Variants in AMZ1 observed in about 807,000 individuals in gnomAD.
AMZ1 encodes the protein archaemetzincin-1.
In AMZ1, 39 loss-of-function variants were observed where a neutral mutation model predicts 29.9. That is an observed-to-expected ratio of 1.30 (90% CI 1.01 to 1.70). The LOEUF is 1.70. Among genes scored for constraint, AMZ1 ranks in the 40% most tolerant of loss-of-function variants. AMZ1 has a pLI of 0.00. For missense variants in AMZ1, 1,041 were observed against 680.6 expected, an observed-to-expected ratio of 1.53 and a Z score of -5.89; for synonymous variants, 458 against 304.0, an observed-to-expected ratio of 1.51 and a Z score of -5.27.
At chr7:2,755,003 A>T (rs1465335089) in intron 4 of AMZ1, among the ~76,000 whole-genome samples, 1 of 152,218 alleles carries the variant, frequency 6.6e-6, no homozygotes, top group Non-Finnish European at 1.5e-5. Context: ...TCTTCCCTAC[A>T]GAGACAGTCC....
intron 4 of AMZ1, among the ~76,000 whole-genome samples, chr7:2,725,414 G>A (rs1034724667): frequency 1.3e-5 from 2 of 152,240 alleles, no homozygotes; most frequent in Non-Finnish European, 1.5e-5. Context: ...GCTTCCACCC[G>A]AGGAGATGCC....
intron 3 of AMZ1, among the ~76,000 whole-genome samples, chr7:2,705,768 G>T (rs1026984486): frequency 6.6e-6 from 1 of 152,208 alleles, no homozygotes; most frequent in Non-Finnish European, 1.5e-5. Context: ...CACTCCACAG[G>T]CTTCCCCAGC....
At chr7:2,686,982 G>A (rs1787103152), upstream of AMZ1, among the ~76,000 whole-genome samples, 2 of 151,552 alleles carry the variant, frequency 1.3e-5, no homozygotes, top group Admixed American at 6.6e-5. Context: ...CAAAGTGCTG[G>A]GATTACAGGC....
rs1424918885 is a variant in AMZ1, at chr7:2,731,414, C to T, written n.550+21598C>T. The T allele has an allele frequency of 3.7e-6, 6 of 1,613,112 alleles. No individual in the cohort carries two copies. Among genetic ancestry groups the T allele is most frequent in the East Asian group, 2.2e-5 (1 of 44,856 alleles). ...TGCTTCTTGATGCTCACGGTCTTCA[C>T]CTTCTCCACCAGGAGGTCCATCTTG... On this transcript the variant is annotated intron_variant and non_coding_transcript_variant, in intron 4 of 4. Coordinates refer to the AMZ1 transcript ENST00000489665. This position sits in a 1 kb window ranked among gnomAD's most constrained non-coding sequence, Gnocchi z 6.0.
At chr7:2,680,509 C>G (rs976575741) in intron 1 of AMZ1, among the ~76,000 whole-genome samples, 2 of 152,170 alleles carry the variant, frequency 1.3e-5, no homozygotes, top group African/African-American at 4.8e-5. Flanking sequence ...GGCACCCCAG[C>G]TTTCCTTGCT....
chr7:2,726,446 G>A (rs1034354313), intron 4 of AMZ1, among the ~76,000 whole-genome samples: 1 of 152,210 alleles, frequency 6.6e-6, no homozygotes, highest in Non-Finnish European at 1.5e-5. Context: ...TGGTGTCTCA[G>A]GCCTGGCGGC....
chr7:2,761,358 A>G (rs532743040), upstream of AMZ1, among the ~76,000 whole-genome samples: 16 of 152,366 alleles, frequency 1.1e-4, no homozygotes, highest in South Asian at 2.9e-3. Flanking sequence ...GGGCACGCAG[A>G]TGGCAGCTGT....
chr7:2,682,072 G>GCTCTCT (rs1786901644), intron 1 of AMZ1, among the ~76,000 whole-genome samples: 1 of 152,184 alleles, frequency 6.6e-6, no homozygotes, highest in African/African-American at 2.4e-5. Context: ...CTCTCTGGAG[G>GCTCTCT]GAACAAGGGC....
chr7:2,698,384 A>G (rs966738410), intron 1 of AMZ1, among the ~76,000 whole-genome samples: 51 of 151,712 alleles, frequency 3.4e-4, no homozygotes, highest in Admixed American at 9.8e-4. Flanking sequence ...CTAAGAACAC[A>G]AAAATTAGCC....
chr7:2,712,982 G>A lies in AMZ1; in HGVS notation c.*104G>A. On this transcript the variant is annotated 3_prime_UTR_variant, in exon 7 of 7. Coordinates refer to ENST00000683327, the MANE Select transcript of AMZ1 (RefSeq NM_001384743.1). The stretch of plus-strand genomic sequence containing the variant: ...TGCCAGGGATAAAGAGGAAGGGTCT[G>A]CCTGGGTGGTGGCTCAGGCCTGTCA... 2 of 1,293,178 alleles carry A rather than the reference G, an allele frequency of 1.5e-6. No individual in the cohort carries two copies. The highest frequency in any genetic ancestry group is 2.4e-4 in the Middle Eastern group (1 of 4,162). 80.1% of individuals were successfully genotyped at this position (1,293,178 alleles called of 1,614,324 possible).
At chr7:2,711,977 G>T (rs7807872) in intron 6 of AMZ1, among the ~76,000 whole-genome samples, 29 of 152,254 alleles carry the variant, frequency 1.9e-4, no homozygotes, top group African/African-American at 6.7e-4. Context: ...AACCTGGGAG[G>T]GGGAGGTTGC....
chr7:2,761,789 A>G (rs1436334906), upstream of AMZ1, among the ~76,000 whole-genome samples: 1 of 152,192 alleles, frequency 6.6e-6, no homozygotes, highest in Admixed American at 6.5e-5. Context: ...GTTCATTAAA[A>G]CGTGAAGAGA....
chr7:2,693,334 G>A (rs903643996), intron 1 of AMZ1, among the ~76,000 whole-genome samples: 6 of 151,944 alleles, frequency 3.9e-5, no homozygotes, highest in South Asian at 2.1e-4. Context: ...GTGATTGCCC[G>A]CCTCCCAAGG....
chr7:2,757,435 C>T (rs1016939851), intron 4 of AMZ1, among the ~76,000 whole-genome samples: 2 of 152,168 alleles, frequency 1.3e-5, no homozygotes, highest in Non-Finnish European at 2.9e-5. Context: ...GAAGTGAGGG[C>T]ACCCCTAGGA....
intron 4 of AMZ1, among the ~76,000 whole-genome samples, chr7:2,748,659 T>G (rs904139760): frequency 2.0e-5 from 3 of 151,972 alleles, no homozygotes; most frequent in Non-Finnish European, 4.4e-5. Flanking sequence ...AATTGACAAA[T>G]GGGATCTAAT....
intron 1 of AMZ1, among the ~76,000 whole-genome samples, chr7:2,698,292 C>T (rs1178917666): frequency 6.6e-6 from 1 of 152,178 alleles, no homozygotes; most frequent in Non-Finnish European, 1.5e-5. Flanking sequence ...AATCCCAGCA[C>T]TTTGGGAGGC....
intron 4 of AMZ1, among the ~76,000 whole-genome samples, chr7:2,738,369 G>T (rs1234563509): frequency 6.6e-6 from 1 of 152,178 alleles, no homozygotes; most frequent in African/African-American, 2.4e-5. Context: ...GAAACGTCTA[G>T]TAGGAGAAGC....
intron 4 of AMZ1, among the ~76,000 whole-genome samples, chr7:2,741,719 T>C (rs931680658): frequency 3.9e-5 from 6 of 151,984 alleles, no homozygotes; most frequent in Non-Finnish European, 8.8e-5. Flanking sequence ...AAATCCGTCA[T>C]CATTTGAGAG....
chr7:2,722,274 A>ATTTTTTTTTTTT (rs57939882), downstream of AMZ1, among the ~76,000 whole-genome samples: 1 of 145,386 alleles, frequency 6.9e-6, no homozygotes, highest in East Asian at 2.0e-4. Context: ...GGCATTTCGA[A>ATTTTTTTTTTTT]TTTTTTTTTT....
Sources: allele counts gnomAD v4.1 joint callset (sites outside exome capture counted in the v4.1 genomes callset), GRCh38; gene constraint gnomAD v4.1.1; non-coding constraint Gnocchi (gnomAD v3.1); transcripts MANE v1.5; gene names NCBI Gene and HGNC (gene_info 2026-07-23, HGNC 2026-07-21).